MAP3K7CL: variants seen among roughly 807,000 people sequenced by gnomAD.
The protein encoded by MAP3K7CL is MAP3K7 C-terminal-like protein.
In MAP3K7CL, 16 loss-of-function variants were observed where a neutral mutation model predicts 18.6. The ratio of observed to expected loss-of-function variants is 0.86; its 90% CI spans 0.58 to 1.31. The LOEUF (loss-of-function observed/expected upper bound fraction) is 1.31, where lower values mean the gene tolerates loss of function less well. MAP3K7CL is among the 50% of genes most tolerant of loss of function. MAP3K7CL has a pLI of 0.00. For synonymous variants in MAP3K7CL, 65 were observed against 66.8 expected (o/e 0.97, Z 0.13); for missense variants, 163 against 174.4 (o/e 0.93, Z 0.37).
intron 4 of MAP3K7CL, among the ~76,000 whole-genome samples, chr21:29,114,874 T>G (rs1397179838): frequency 6.6e-6 from 1 of 152,158 alleles, no homozygotes; most frequent in Admixed American, 6.5e-5. Flanking sequence ...TTACTTTCGA[T>G]AGAAGGTGGG....
chr21:29,085,545 T>TAAAA (rs33938293), upstream of MAP3K7CL, among the ~76,000 whole-genome samples: 3 of 48,982 alleles, frequency 6.1e-5, no homozygotes, highest in African/African-American at 8.1e-5. Flanking sequence ...AGACTCTGTC[T>TAAAA]AAAAAAAAAA....
intron 4 of MAP3K7CL, among the ~76,000 whole-genome samples, chr21:29,169,710 T>A (rs985025396): frequency 6.6e-6 from 1 of 152,218 alleles, no homozygotes; most frequent in African/African-American, 2.4e-5. Flanking sequence ...GATGGATCCA[T>A]GTCTCAAACT....
chr21:29,121,184 AG>A (rs888233109), intron 4 of MAP3K7CL, among the ~76,000 whole-genome samples: 5 of 151,752 alleles, frequency 3.3e-5, no homozygotes, highest in African/African-American at 1.2e-4. Context: ...ATGGCACTCA[AG>A]TTTGGGCAAT....
intron 4 of MAP3K7CL, among the ~76,000 whole-genome samples, chr21:29,124,355 A>T (rs1456771318): frequency 5.3e-5 from 2 of 37,552 alleles, no homozygotes; most frequent in Non-Finnish European, 1.1e-4. Flanking sequence ...CTCCGTCTCA[A>T]AAAAAAAAAA....
intron 4 of MAP3K7CL, among the ~76,000 whole-genome samples, chr21:29,172,017 A>G (rs2087845702): frequency 6.7e-6 from 1 of 150,342 alleles, no homozygotes. Context: ...TATGTGTGTC[A>G]TCATGCTCCA....
intron 4 of MAP3K7CL, among the ~76,000 whole-genome samples, chr21:29,171,361 A>G (rs2142207): frequency 0.87 from 133,120 of 152,266 alleles, 58,455 homozygotes; most frequent in African/African-American, 0.93. Context: ...ACTTTCTAAC[A>G]TCTGGTTTTG....
At chr21:29,125,189 T>C (rs974623301) in intron 4 of MAP3K7CL, among the ~76,000 whole-genome samples, 2 of 152,258 alleles carry the variant, frequency 1.3e-5, no homozygotes, top group Admixed American at 1.3e-4. Flanking sequence ...TATTGCTCTT[T>C]TAATTGTCAT....
intron 4 of MAP3K7CL, among the ~76,000 whole-genome samples, chr21:29,094,054 G>C (rs1377441770): frequency 1.3e-5 from 2 of 152,164 alleles, no homozygotes; most frequent in Admixed American, 1.3e-4. Context: ...TATGCTTTAG[G>C]CTTGGACCAA....
intron 4 of MAP3K7CL, among the ~76,000 whole-genome samples, chr21:29,114,483 C>T (rs1290958316): frequency 6.6e-6 from 1 of 152,122 alleles, no homozygotes; most frequent in Non-Finnish European, 1.5e-5. Context: ...CTCGACCTCT[C>T]GAGCTCAATT....
intron 1 of MAP3K7CL, among the ~76,000 whole-genome samples, chr21:29,090,885 A>G (rs1294340504): frequency 1.3e-5 from 2 of 152,066 alleles, no homozygotes; most frequent in Non-Finnish European, 2.9e-5. Context: ...CAAGCCATAT[A>G]TGTAATTTAA....
chr21:29,167,904 T>G (rs969116763), intron 4 of MAP3K7CL, among the ~76,000 whole-genome samples: 2 of 152,010 alleles, frequency 1.3e-5, no homozygotes, highest in Non-Finnish European at 1.5e-5. Flanking sequence ...TTTCGCCATG[T>G]TAGCCAGGAT....
chr21:29,100,934 G>C (rs1281188824), intron 4 of MAP3K7CL, among the ~76,000 whole-genome samples: 1 of 151,236 alleles, frequency 6.6e-6, no homozygotes, highest in African/African-American at 2.4e-5. Flanking sequence ...GGATGGTGTC[G>C]ATCTCCTGAC....
intron 4 of MAP3K7CL, among the ~76,000 whole-genome samples, chr21:29,102,337 ACTG>A (rs2086244338): frequency 6.6e-6 from 1 of 152,234 alleles, no homozygotes; most frequent in South Asian, 2.1e-4. Context: ...AGTTGACTTA[ACTG>A]AGGCTCAAGA....
intron 4 of MAP3K7CL, among the ~76,000 whole-genome samples, chr21:29,166,750 T>A (rs895501780): frequency 6.6e-6 from 1 of 152,252 alleles, no homozygotes; most frequent in African/African-American, 2.4e-5. Flanking sequence ...ATTCTTTTTA[T>A]TGCTGAATAA....
At chr21:29,174,602 T>A in intron 4 of MAP3K7CL, 110 bp from the exon 5 acceptor site, 1 of 1,368,520 alleles carries the variant, frequency 7.3e-7, no homozygotes, top group Admixed American at 2.4e-5. Context: ...TGGGAAAAAA[T>A]TCAGAACAGC....
chr21:29,163,871 A>T (rs535887792), intron 4 of MAP3K7CL, among the ~76,000 whole-genome samples: 32 of 151,906 alleles, frequency 2.1e-4, no homozygotes, highest in Non-Finnish European at 2.9e-4. Context: ...AATTAAAAAA[A>T]TTTTTTTAAA....
At chr21:29,155,151 G>A (rs1330174778) in intron 3 of MAP3K7CL, among the ~76,000 whole-genome samples, 1 of 152,084 alleles carries the variant, frequency 6.6e-6, no homozygotes, top group Non-Finnish European at 1.5e-5. Context: ...ATCGAAATCA[G>A]CATGGACTGT....
chr21:29,144,601 C>T lies in MAP3K7CL; in HGVS notation c.71-4588C>T, dbSNP rs544957867. Among the ~76,000 whole-genome samples the T allele has an allele frequency of 8.7e-4, 132 of 152,134 alleles. 2 individuals are homozygous for T. The highest frequency in any genetic ancestry group is 2.7e-3 in the African/African-American group (114 of 41,470). The stretch of plus-strand genomic sequence containing the variant: ...GACACCCCTTAGTCTTACATGGCCA[C>T]GAATCGTGGAGTCTTGGGTGGCTTC... On this transcript the variant is annotated intron_variant, in intron 2 of 4. Coordinates refer to ENST00000399928, the MANE Select transcript of MAP3K7CL (RefSeq NM_001286620.2).
intron 4 of MAP3K7CL, among the ~76,000 whole-genome samples, chr21:29,107,316 A>G (rs988158874): frequency 1.3e-5 from 2 of 152,242 alleles, no homozygotes; most frequent in Non-Finnish European, 2.9e-5. Context: ...CTCCATCTAA[A>G]AAAAGGAAAG....
Sources: allele counts gnomAD v4.1 joint callset (sites outside exome capture counted in the v4.1 genomes callset), GRCh38; gene constraint gnomAD v4.1.1; transcripts MANE v1.5; gene names NCBI Gene and HGNC (gene_info 2026-07-23, HGNC 2026-07-21).